Variants in ERBIN observed in about 807,000 individuals in gnomAD.
ERBIN encodes the protein densin-180-like protein.
A neutral mutation model predicts 158.4 loss-of-function variants in ERBIN; 60 were observed. The observed-to-expected ratio is 0.38, with a 90% CI of 0.31 to 0.47. The LOEUF (loss-of-function observed/expected upper bound fraction) is 0.47. Among genes scored for constraint, ERBIN ranks in the 20% least tolerant of loss-of-function variants. The probability of loss-of-function intolerance (pLI) is 0.99; values close to 1 mark genes in which losing one functional copy is unlikely to be tolerated. For synonymous variants in ERBIN, 594 were observed against 557.2 expected, an observed-to-expected ratio of 1.07 and a Z score of -0.93; for missense variants, 1,610 against 1,648.0, an observed-to-expected ratio of 0.98 and a Z score of 0.40.
rs1349821107 is a variant in ERBIN at position 66,018,516 on chromosome 5, T to C, written c.534-2806T>C. Among the ~76,000 whole-genome samples, 85 of 10,714 alleles carry C rather than the reference T, an allele frequency of 7.9e-3. 36 individuals are homozygous for C. The highest frequency in any genetic ancestry group is 0.012 in the Non-Finnish European group (67 of 5,674). The allele number at this position is 10,714 out of a possible 152,430, so 7.0% of individuals were successfully genotyped here. A position where few individuals can be genotyped will look rare whatever the true frequency, so the allele number is the denominator to read the frequency against. On this transcript the variant is annotated intron_variant, in intron 7 of 25. Coordinates refer to ENST00000284037, the MANE Select transcript of ERBIN (RefSeq NM_001253697.2). ...ATTATATAATATATATTATATATTA[T>C]ATAATATATATTATATTATATAATA...
intron 15 of ERBIN, among the ~76,000 whole-genome samples, chr5:66,041,972 C>T (rs995793523): frequency 6.6e-6 from 1 of 151,902 alleles, no homozygotes; most frequent in African/African-American, 2.4e-5. Flanking sequence ...AAAGAAAAGG[C>T]TAAATCAAAG....
intron 1 of ERBIN, among the ~76,000 whole-genome samples, chr5:65,988,176 G>A (rs1450894496): frequency 1.3e-5 from 2 of 152,078 alleles, no homozygotes; most frequent in Non-Finnish European, 2.9e-5. Flanking sequence ...TTCAAGACCA[G>A]CATGGCCAAC....
intron 23 of ERBIN, 110 bp from the exon 24 acceptor site, chr5:66,076,206 C>A: frequency 1.3e-6 from 1 of 758,460 alleles, no homozygotes. Flanking sequence ...TTGATGAATT[C>A]TTATGTTTAT....
At chr5:66,031,639 TG>T (rs1408961001) in intron 14 of ERBIN, among the ~76,000 whole-genome samples, 8 of 152,106 alleles carry the variant, frequency 5.3e-5, no homozygotes, top group African/African-American at 1.9e-4. Context: ...GAGACCAACC[TG>T]GGAAACATAG....
intron 21 of ERBIN, among the ~76,000 whole-genome samples, chr5:66,055,633 A>G (rs1759510375): frequency 6.6e-6 from 1 of 152,164 alleles, no homozygotes; most frequent in Non-Finnish European, 1.5e-5. Flanking sequence ...TAAAACCAAT[A>G]TGAATGCCAT....
intron 1 of ERBIN, among the ~76,000 whole-genome samples, chr5:65,950,036 C>T (rs998326353): frequency 6.6e-6 from 1 of 152,060 alleles, no homozygotes; most frequent in Non-Finnish European, 1.5e-5. Context: ...GATGGAGTTT[C>T]GCTCTGTCGC....
chr5:66,068,777 G>A (rs1049154219), intron 21 of ERBIN: 3 of 1,043,044 alleles, frequency 2.9e-6, no homozygotes, highest in East Asian at 2.8e-5. Flanking sequence ...ATACTTCTCT[G>A]GTTTTGGGGT....
chr5:65,955,404 C>T (rs1016865119), intron 1 of ERBIN, among the ~76,000 whole-genome samples: 3 of 151,862 alleles, frequency 2.0e-5, no homozygotes, highest in African/African-American at 7.2e-5. Flanking sequence ...CCGAGGTGTG[C>T]GGATCACTTG....
At chr5:66,021,064 G>T (rs1002214858) in intron 7 of ERBIN, among the ~76,000 whole-genome samples, 4 of 151,806 alleles carry the variant, frequency 2.6e-5, no homozygotes, top group Non-Finnish European at 4.4e-5. Context: ...TGGCTTGTGG[G>T]TTTAAATTTA....
At chr5:65,972,498 GT>G (rs1331621738) in intron 1 of ERBIN, among the ~76,000 whole-genome samples, 1 of 151,404 alleles carries the variant, frequency 6.6e-6, no homozygotes, top group Non-Finnish European at 1.5e-5. Context: ...GCACCCCATA[GT>G]TTCTACAGAA....
intron 1 of ERBIN, among the ~76,000 whole-genome samples, chr5:65,933,689 T>C (rs1743725290): frequency 6.6e-6 from 1 of 152,186 alleles, no homozygotes; most frequent in Non-Finnish European, 1.5e-5. Context: ...CATTTTGTTA[T>C]TTCCCCGACC....
At chr5:65,960,831 G>A (rs1747823119) in intron 1 of ERBIN, among the ~76,000 whole-genome samples, 1 of 152,166 alleles carries the variant, frequency 6.6e-6, no homozygotes, top group African/African-American at 2.4e-5. Flanking sequence ...TATGTTTACA[G>A]TTAGGTTCTA....
chr5:66,058,689 A>G (rs1759904479), intron 21 of ERBIN, among the ~76,000 whole-genome samples: 1 of 148,338 alleles, frequency 6.7e-6, no homozygotes, highest in African/African-American at 2.6e-5. Context: ...TAAGTCTTTA[A>G]TGCATCTTGA....
In ERBIN at chr5:66,078,787, CCTG is replaced by C. The variant is rs1477445588; in HGVS notation, c.*258_*260del. The C allele has an allele frequency of 2.7e-4, 111 of 410,080 alleles. No individual in the cohort carries two copies. In the South Asian group the frequency reaches 2.8e-3, roughly 10 times the overall value. 25.4% of individuals were successfully genotyped at this position (410,080 alleles called of 1,614,324 possible). The stretch of plus-strand genomic sequence containing the variant: ...TAGCAATCAAGGCTACAAAAACAAA[CCTG>C]TGTTGTTTTTGTATAGATTGTAGGT... On this transcript the variant is annotated 3_prime_UTR_variant, in exon 26 of 26. Coordinates refer to ENST00000284037, the MANE Select transcript of ERBIN (RefSeq NM_001253697.2).
At chr5:65,987,367 T>TTCACACACACACACACACAC (rs372166365) in intron 1 of ERBIN, among the ~76,000 whole-genome samples, 1 of 135,684 alleles carries the variant, frequency 7.4e-6, no homozygotes, top group Non-Finnish European at 1.6e-5. Flanking sequence ...AGAGACTGTC[T>TTCACACACACACACACACAC]ACACACACAC....
At chr5:65,946,093 G>A (rs1745706011) in intron 1 of ERBIN, among the ~76,000 whole-genome samples, 1 of 152,086 alleles carries the variant, frequency 6.6e-6, no homozygotes, top group Non-Finnish European at 1.5e-5. Context: ...GGCTGGGCAT[G>A]GTAGCTCATG....
intron 21 of ERBIN, among the ~76,000 whole-genome samples, chr5:66,061,123 C>G (rs1288472975): frequency 6.6e-6 from 1 of 152,136 alleles, no homozygotes; most frequent in Non-Finnish European, 1.5e-5. Flanking sequence ...TCTTGTTGAT[C>G]TGTCTAATGT....
intron 14 of ERBIN, among the ~76,000 whole-genome samples, chr5:66,036,577 C>G (rs919498510): frequency 6.6e-6 from 1 of 152,166 alleles, no homozygotes; most frequent in Non-Finnish European, 1.5e-5. Context: ...TGTACCCTGT[C>G]TACCCTGTAA....
chr5:65,930,281 T>C (rs1743205826), intron 1 of ERBIN, among the ~76,000 whole-genome samples: 1 of 152,164 alleles, frequency 6.6e-6, no homozygotes, highest in African/African-American at 2.4e-5. Flanking sequence ...TACATGCTGG[T>C]ATTTTAACTT....
Sources: gnomAD v4.1 joint callset for allele counts (sites outside exome capture counted in the v4.1 genomes callset) on GRCh38, gnomAD v4.1.1 for gene constraint, MANE v1.5 for transcripts, NCBI Gene and HGNC (gene_info 2026-07-23, HGNC 2026-07-21) for gene names.